The following AOPEP variants were observed in gnomAD, a reference collection of about 807,000 sequenced individuals.
AOPEP encodes the protein aminopeptidase O.
A neutral mutation model predicts 98.1 loss-of-function variants in AOPEP; 77 were observed. The observed-to-expected ratio is 0.78, with a 90% CI of 0.65 to 0.95. The LOEUF (loss-of-function observed/expected upper bound fraction) is 0.95, where lower values mean the gene tolerates loss of function less well. AOPEP is among the 40% of genes least tolerant of loss of function. AOPEP has a pLI of 0.00. For missense variants in AOPEP, 1,024 were observed against 1,024.7 expected (o/e 1.00, Z 0.01); for synonymous variants, 346 against 365.3 (o/e 0.95, Z 0.60).
chr9:95,004,871 G>T (rs2061835178), intron 11 of AOPEP: 2 of 147,068 alleles, frequency 1.4e-5, no homozygotes, highest in South Asian at 1.9e-4. Context: ...GCGGGAGGGC[G>T]ACCTGCGGGA....
chr9:94,811,443 CTT>C (rs1384748511), intron 5 of AOPEP, among the ~76,000 whole-genome samples: 1 of 152,176 alleles, frequency 6.6e-6, no homozygotes, highest in East Asian at 1.9e-4. Context: ...TCTGATTTCT[CTT>C]CTCCCTTGGC....
At chr9:94,974,819 G>A (rs1347098776) in intron 10 of AOPEP, among the ~76,000 whole-genome samples, 4 of 152,178 alleles carry the variant, frequency 2.6e-5, no homozygotes, top group Admixed American at 2.6e-4. Context: ...AAGAAAAGCT[G>A]GGGTTTCATA....
intron 5 of AOPEP, 95 bp downstream of exon 5, chr9:94,801,097 G>T: frequency 7.1e-7 from 1 of 1,405,766 alleles, no homozygotes; most frequent in Non-Finnish European, 1.0e-6. Flanking sequence ...GCAGTCATTT[G>T]ATTAGAATGG....
At position 94,868,786 on chromosome 9, in the gene AOPEP, C is replaced by T. The variant is rs1295994805; in HGVS notation, c.1365-55200C>T. On this transcript the variant is annotated intron_variant, in intron 5 of 16. Coordinates refer to ENST00000375315, the MANE Select transcript of AOPEP (RefSeq NM_001193329.3). Reference sequence around the variant, plus strand: ...CTTTCCCTGCCCCTCTCCCAGCAACCACTATAATTTTCTATTCTCATGTGT... The same window carrying T: ...CTTTCCCTGCCCCTCTCCCAGCAACTACTATAATTTTCTATTCTCATGTGT... 2.6e-5 allele frequency among the ~76,000 whole-genome samples: 4 copies of T among 152,168 alleles called. 1 individual carries two copies. The East Asian group carries it at 7.7e-4, about 29-fold the overall frequency.
At chr9:94,767,303 G>T (rs1235814474) in intron 2 of AOPEP, among the ~76,000 whole-genome samples, 2 of 152,192 alleles carry the variant, frequency 1.3e-5, no homozygotes, top group African/African-American at 4.8e-5. Context: ...CTGTGCATAT[G>T]TCTATTTCCC....
At chr9:95,085,356 A>G (rs1192459230) in intron 16 of AOPEP, 6 of 488,010 alleles carry the variant, frequency 1.2e-5, no homozygotes, top group Non-Finnish European at 2.1e-5. Context: ...GAACAGGTGC[A>G]TCTCGTAGCT....
intron 3 of AOPEP, among the ~76,000 whole-genome samples, chr9:94,778,369 G>C (rs1425558038): frequency 6.6e-6 from 1 of 151,402 alleles, no homozygotes; most frequent in Non-Finnish European, 1.5e-5. Flanking sequence ...TTTCCATAAT[G>C]ACCAAAAACA....
intron 3 of AOPEP, among the ~76,000 whole-genome samples, chr9:94,788,509 TTTGC>T (rs1377466711): frequency 6.6e-6 from 1 of 151,964 alleles, no homozygotes; most frequent in African/African-American, 2.4e-5. Flanking sequence ...TTTTTTCCCA[TTTGC>T]TTGTCCTTTT....
intron 3 of AOPEP, among the ~76,000 whole-genome samples, chr9:94,788,486 T>C (rs1397136407): frequency 3.9e-5 from 6 of 152,082 alleles, no homozygotes; most frequent in Admixed American, 2.6e-4. Context: ...AATTGTCTTA[T>C]GCTTTGTTTT....
intron 5 of AOPEP, among the ~76,000 whole-genome samples, chr9:94,884,262 A>G (rs772323776): frequency 2.6e-5 from 4 of 152,190 alleles, no homozygotes; most frequent in Non-Finnish European, 5.9e-5. Context: ...AGTGGGTACA[A>G]TTGTTAACAA....
At chr9:94,755,702 C>G (rs1044485704) in intron 1 of AOPEP, among the ~76,000 whole-genome samples, 2 of 152,088 alleles carry the variant, frequency 1.3e-5, no homozygotes, top group Non-Finnish European at 2.9e-5. Context: ...ATGACTTAGA[C>G]AATATGAAGG....
At chr9:95,062,501 G>GAGAA (rs1300028233) in intron 14 of AOPEP, among the ~76,000 whole-genome samples, 5 of 152,228 alleles carry the variant, frequency 3.3e-5, no homozygotes, top group Non-Finnish European at 7.3e-5. Context: ...GGCTGCAAGT[G>GAGAA]AGAAGCCTAT....
At chr9:95,046,931 T>C (rs576077189) in intron 13 of AOPEP, among the ~76,000 whole-genome samples, 176 of 152,372 alleles carry the variant, frequency 1.2e-3, no homozygotes, top group Admixed American at 2.1e-3. Context: ...ACTTAAAATC[T>C]GTTAATTTTC....
chr9:94,861,984 A>G (rs1024993774), intron 5 of AOPEP, among the ~76,000 whole-genome samples: 2 of 152,180 alleles, frequency 1.3e-5, no homozygotes, highest in Non-Finnish European at 2.9e-5. Flanking sequence ...TGTTTATGAA[A>G]AGCAGCTTAC....
chr9:95,012,990 G>T lies in AOPEP; in HGVS notation c.2115+7374G>T, dbSNP rs141395175. On this transcript the variant is annotated intron_variant, in intron 13 of 16. Transcript: ENST00000375315. The stretch of plus-strand genomic sequence containing the variant: ...TAGAGTTTTCCTGTTTTTTTTTTGG[G>T]GGGGGGGGCAGGGCGATTATCTCTT... Among the ~76,000 whole-genome samples the T allele has an allele frequency of 2.7e-3, 364 of 135,824 alleles. 52 individuals are homozygous for T. The East Asian group carries it at 0.049, about 18-fold the overall frequency. 89.1% of individuals were successfully genotyped at this position (135,824 alleles called of 152,430 possible).
chr9:94,769,070 A>AT (rs1407196725), intron 2 of AOPEP, among the ~76,000 whole-genome samples: 4 of 152,306 alleles, frequency 2.6e-5, no homozygotes, highest in Non-Finnish European at 5.9e-5. Flanking sequence ...CCCTCCATAT[A>AT]GTTCTCATTT....
At chr9:94,989,861 G>A (rs1310308888) in intron 11 of AOPEP, among the ~76,000 whole-genome samples, 2 of 151,754 alleles carry the variant, frequency 1.3e-5, no homozygotes, top group Non-Finnish European at 2.9e-5. Context: ...CGCCCGCCTC[G>A]GCCTCCCAAA....
chr9:95,034,215 A>T (rs185984575), intron 13 of AOPEP, among the ~76,000 whole-genome samples: 44 of 152,338 alleles, frequency 2.9e-4, no homozygotes, highest in Admixed American at 1.4e-3. Context: ...TGAAGCCAAG[A>T]TGTAGGTAGC....
At chr9:94,836,087 TG>T (rs2041567174) in intron 5 of AOPEP, among the ~76,000 whole-genome samples, 1 of 150,442 alleles carries the variant, frequency 6.6e-6, no homozygotes, top group Non-Finnish European at 1.5e-5. Context: ...CCTGCTTGTG[TG>T]TGTGTGTGTG....
Sources: gnomAD v4.1 joint callset for allele counts (sites outside exome capture counted in the v4.1 genomes callset) on GRCh38, gnomAD v4.1.1 for gene constraint, MANE v1.5 for transcripts, NCBI Gene and HGNC (gene_info 2026-07-23, HGNC 2026-07-21) for gene names.